Variants in NTM observed in about 807,000 individuals in gnomAD.
NTM encodes IgLON family member 2.
Under a neutral mutation model 42.1 loss-of-function variants are expected in NTM, and 13 were observed. That is an observed-to-expected ratio of 0.31 (90% CI 0.20 to 0.49). The LOEUF (loss-of-function observed/expected upper bound fraction) is 0.49, where lower values mean the gene tolerates loss of function less well. Ranked by LOEUF, NTM falls within the 20% of genes least tolerant of loss-of-function variation. NTM has a pLI of 0.99. For missense variants in NTM, 373 were observed against 452.8 expected, an observed-to-expected ratio of 0.82 and a Z score of 1.60; for synonymous variants, 187 against 179.2, an observed-to-expected ratio of 1.04 and a Z score of -0.35.
At chr11:132,135,487 G>A (rs550684311) in intron 2 of NTM, among the ~76,000 whole-genome samples, 3 of 152,372 alleles carry the variant, frequency 2.0e-5, no homozygotes, top group African/African-American at 7.2e-5. Flanking sequence ...GGGCCTAGGA[G>A]AACAGGCAGA....
intron 1 of NTM, among the ~76,000 whole-genome samples, chr11:131,641,045 T>C (rs1172571910): frequency 1.3e-5 from 2 of 152,208 alleles, no homozygotes; most frequent in Non-Finnish European, 2.9e-5. Context: ...AACCGCATAT[T>C]CTTAGGAGCA....
chr11:131,888,216 G>T (rs1004830784), intron 1 of NTM, among the ~76,000 whole-genome samples: 1 of 152,044 alleles, frequency 6.6e-6, no homozygotes, highest in Admixed American at 6.6e-5. Context: ...CAGGAGAATC[G>T]CTTGAACCCG....
intron 1 of NTM, among the ~76,000 whole-genome samples, chr11:131,374,509 C>G (rs1298007306): frequency 6.6e-6 from 1 of 152,178 alleles, no homozygotes; most frequent in Non-Finnish European, 1.5e-5. Flanking sequence ...AATGTACAGT[C>G]CCTGACTTCT....
At position 131,732,087 on chromosome 11, in the gene NTM, T is replaced by C. The variant is rs1469928133; in HGVS notation, c.83-179477T>C. ...CTCTGGACCCCCACGTATTCATCTATAAACTGAAGATAATTAAAGAACCTG... is the reference window on the plus strand; with the variant it reads ...CTCTGGACCCCCACGTATTCATCTACAAACTGAAGATAATTAAAGAACCTG... On this transcript the variant is annotated intron_variant, in intron 1 of 8. Transcript: ENST00000683400. Among the ~76,000 whole-genome samples the C allele has an allele frequency of 3.3e-5, 5 of 152,190 alleles. No homozygotes were observed. The East Asian group carries it at 9.6e-4, about 29-fold the overall frequency.
intron 1 of NTM, among the ~76,000 whole-genome samples, chr11:131,501,870 T>A (rs1591846141): frequency 6.9e-6 from 1 of 145,272 alleles, no homozygotes; most frequent in African/African-American, 2.7e-5. Flanking sequence ...GGTATGTATG[T>A]GTGTGTGAGT....
rs201531564 is a variant in NTM at position 131,616,774 on chromosome 11, AGG to A, written c.82+245890_82+245891del. Among the ~76,000 whole-genome samples the A allele has an allele frequency of 4.4e-3, 646 of 145,468 alleles. 8 individuals carry two copies. The highest frequency in any genetic ancestry group is 8.2e-3 in the Admixed American group (121 of 14,714). On this transcript the variant is annotated intron_variant, in intron 1 of 8. Coordinates refer to ENST00000683400, the MANE Select transcript of NTM (RefSeq NM_001352005.2). ...AGGGTTTTACAAGCACACTGTCTTG[AGG>A]GGGTGTGTGTGTGTGTGTGTGTGTG... is the stretch of plus-strand genomic sequence containing the variant.
At chr11:132,166,393 A>G (rs996050324) in intron 3 of NTM, among the ~76,000 whole-genome samples, 6 of 152,110 alleles carry the variant, frequency 3.9e-5, no homozygotes, top group Admixed American at 6.6e-5. Context: ...TAACCACAAC[A>G]CTGTTTGGCA....
intron 1 of NTM, chr11:131,910,844 G>C (rs921000217): frequency 3.0e-6 from 3 of 985,184 alleles, no homozygotes; most frequent in Non-Finnish European, 3.6e-6. Flanking sequence ...TTTGGGCTCC[G>C]AGGAAGTTGA....
At chr11:131,506,864 C>A (rs2047552793) in intron 1 of NTM, among the ~76,000 whole-genome samples, 2 of 152,158 alleles carry the variant, frequency 1.3e-5, no homozygotes, top group African/African-American at 4.8e-5. Flanking sequence ...GGGAACAGGG[C>A]CCAGAGAAAA....
chr11:131,415,982 G>T (rs2135788891), intron 1 of NTM, among the ~76,000 whole-genome samples: 1 of 152,228 alleles, frequency 6.6e-6, no homozygotes, highest in South Asian at 2.1e-4. Context: ...CTTGGAAAAT[G>T]AAAATACAGA....
intron 2 of NTM, among the ~76,000 whole-genome samples, chr11:132,144,717 T>C (rs7111449): frequency 0.058 from 8,769 of 152,234 alleles, 368 homozygotes; most frequent in Middle Eastern, 0.14. Flanking sequence ...CCCCAGATCT[T>C]CTCCAAGCTA....
chr11:131,797,296 A>G (rs1477144106), intron 1 of NTM, among the ~76,000 whole-genome samples: 1 of 152,190 alleles, frequency 6.6e-6, no homozygotes, highest in Admixed American at 6.5e-5. Context: ...CTCCATCCAC[A>G]CATTGTTATA....
At chr11:132,058,546 C>G (rs976617884) in intron 2 of NTM, among the ~76,000 whole-genome samples, 2 of 152,184 alleles carry the variant, frequency 1.3e-5, no homozygotes, top group East Asian at 1.9e-4. Flanking sequence ...TCATCCCCCT[C>G]TTGACATGGG....
intron 3 of NTM, among the ~76,000 whole-genome samples, chr11:132,164,921 A>G (rs975602637): frequency 1.3e-5 from 2 of 152,200 alleles, no homozygotes; most frequent in Non-Finnish European, 2.9e-5. Context: ...CAGCTCATGC[A>G]AACGCTACTC....
intron 1 of NTM, among the ~76,000 whole-genome samples, chr11:131,460,541 C>A (rs7128947): frequency 1.3e-5 from 2 of 151,860 alleles, no homozygotes; most frequent in Non-Finnish European, 2.9e-5. Context: ...CAGGAGAGTG[C>A]TTTCTTTCTT....
intron 2 of NTM, among the ~76,000 whole-genome samples, chr11:132,074,815 A>G (rs977158273): frequency 2.6e-5 from 4 of 152,206 alleles, no homozygotes; most frequent in Non-Finnish European, 4.4e-5. Flanking sequence ...TAAAAATAAT[A>G]CAGTATGTAG....
rs71477755 is a variant in NTM at position 132,310,056 on chromosome 11, C to CAA, written c.662-39_662-38dup. On this transcript the variant is annotated intron_variant, in intron 5 of 8. Coordinates refer to ENST00000683400, the MANE Select transcript of NTM (RefSeq NM_001352005.2). ...GAGCCACAAGAGCAAGACTCCATCT[C>CAA]AAAAAAAAAAAAAAAAAAGGTGGGG... 8.4e-3 allele frequency: 10,936 copies of CAA among 1,309,160 alleles called. 22 individuals are homozygous for CAA. The highest frequency in any genetic ancestry group is 0.033 in the African/African-American group (1,697 of 50,716). The allele number at this position is 1,309,160 out of a possible 1,614,324, so 81.1% of individuals were successfully genotyped here.
At position 131,754,285 on chromosome 11, in the gene NTM, A is replaced by C. The variant is rs528475748; in HGVS notation, c.83-157279A>C. On this transcript the variant is annotated intron_variant, in intron 1 of 8. Transcript: ENST00000683400. Reference sequence around the variant, plus strand: ...TACCCTAAAACTTAAAGTATAATTTAAAAAAAAAAGAAAAAAGAAAAGTTG... The same window carrying C: ...TACCCTAAAACTTAAAGTATAATTTCAAAAAAAAAGAAAAAAGAAAAGTTG... 7.1e-5 allele frequency among the ~76,000 whole-genome samples: 10 copies of C among 140,326 alleles called. No homozygotes were observed. In the East Asian group the frequency reaches 1.2e-3, roughly 16 times the overall value. 92.1% of individuals were successfully genotyped at this position (140,326 alleles called of 152,430 possible).
intron 1 of NTM, among the ~76,000 whole-genome samples, chr11:131,436,319 C>T (rs1949128421): frequency 6.6e-6 from 1 of 152,144 alleles, no homozygotes; most frequent in Non-Finnish European, 1.5e-5. Flanking sequence ...GGGAGGATTC[C>T]CTCTTTTTCT....
Sources: gnomAD v4.1 joint callset for allele counts (sites outside exome capture counted in the v4.1 genomes callset) on GRCh38, gnomAD v4.1.1 for gene constraint, MANE v1.5 for transcripts, NCBI Gene and HGNC (gene_info 2026-07-23, HGNC 2026-07-21) for gene names.